CAMK1D: variants seen among roughly 807,000 people sequenced by gnomAD.
The protein encoded by CAMK1D is calcium/calmodulin-dependent protein kinase type 1D.
CAMK1D carries 9 observed loss-of-function variants against 47.7 expected under a neutral mutation model. The ratio of observed to expected loss-of-function variants is 0.19; its 90% CI spans 0.11 to 0.33. The LOEUF is 0.33. Among genes scored for constraint, CAMK1D ranks in the 10% least tolerant of loss-of-function variants. The pLI is 1.00. For synonymous variants in CAMK1D, 184 were observed against 184.9 expected (o/e 0.99, Z 0.04); for missense variants, 291 against 488.7 (o/e 0.60, Z 3.81).
At chr10:12,390,736 C>G (rs1488300117) in intron 1 of CAMK1D, among the ~76,000 whole-genome samples, 1 of 151,994 alleles carries the variant, frequency 6.6e-6, no homozygotes, top group African/African-American at 2.4e-5. Context: ...TGTAAAGGAC[C>G]CAAGAGGAAA....
At chr10:12,397,832 A>G (rs1320019951) in intron 1 of CAMK1D, among the ~76,000 whole-genome samples, 1 of 152,202 alleles carries the variant, frequency 6.6e-6, no homozygotes, top group East Asian at 1.9e-4. Context: ...TCGCAGGTAA[A>G]CTGTACATTG....
At chr10:12,489,435 G>C (rs1002739538) in intron 1 of CAMK1D, among the ~76,000 whole-genome samples, 2 of 152,204 alleles carry the variant, frequency 1.3e-5, no homozygotes, top group Non-Finnish European at 2.9e-5. Flanking sequence ...GAAAAATAAA[G>C]ACTAAAAAGT....
intron 3 of CAMK1D, among the ~76,000 whole-genome samples, chr10:12,668,525 A>G (rs2132559280): frequency 6.6e-6 from 1 of 152,328 alleles, no homozygotes; most frequent in East Asian, 1.9e-4. Context: ...CAGTTTCGAT[A>G]ATGGGAAAAT....
chr10:12,594,313 G>T (rs1475036732), intron 2 of CAMK1D, among the ~76,000 whole-genome samples: 1 of 152,222 alleles, frequency 6.6e-6, no homozygotes, highest in Non-Finnish European at 1.5e-5. Context: ...CCTACCCCAA[G>T]CATCTCAAGA....
intron 3 of CAMK1D, among the ~76,000 whole-genome samples, chr10:12,689,484 T>C (rs1832788232): frequency 1.3e-5 from 2 of 152,202 alleles, no homozygotes; most frequent in Admixed American, 6.5e-5. Flanking sequence ...ATATTAAGAA[T>C]TGGTTTGAAC....
chr10:12,588,860 G>A (rs887596053), intron 2 of CAMK1D, among the ~76,000 whole-genome samples: 8 of 106,346 alleles, frequency 7.5e-5, no homozygotes, highest in African/African-American at 2.6e-4. Flanking sequence ...ACATGTATAT[G>A]TATATATGTG....
chr10:12,491,476 A>ATTT lies in CAMK1D; in HGVS notation c.93-61744_93-61742dup, dbSNP rs377302358. 1.6e-3 allele frequency among the ~76,000 whole-genome samples: 245 copies of ATTT among 152,046 alleles called. 4 individuals are homozygous for ATTT. The East Asian group carries it at 0.04, about 25-fold the overall frequency. ...TACAAAAATAAGGAAATGTATATAT[A>ATTT]TTTTTTTGTTGTGAGGGGGTGGGTG... On this transcript the variant is annotated intron_variant, in intron 1 of 10. Coordinates refer to ENST00000619168, the MANE Select transcript of CAMK1D (RefSeq NM_153498.4).
intron 2 of CAMK1D, among the ~76,000 whole-genome samples, chr10:12,584,484 G>A (rs1392695528): frequency 1.3e-5 from 2 of 152,178 alleles, no homozygotes; most frequent in African/African-American, 4.8e-5. Flanking sequence ...AAAGAGGTGG[G>A]TATCAAGGAT....
rs201168418 is a variant in CAMK1D at position 12,560,919 on chromosome 10, TC to T, written c.224+7564del. Reference sequence around the variant, plus strand: ...AGTTACCTTGATTTCTTTCTTTCTTTCTTTTTTTTTTTGAGATGGAGTCTCG... The same window carrying T: ...AGTTACCTTGATTTCTTTCTTTCTTTTTTTTTTTTTTGAGATGGAGTCTCG... On this transcript the variant is annotated intron_variant, in intron 2 of 10. Transcript: ENST00000619168. Among the ~76,000 whole-genome samples the T allele has an allele frequency of 1.0e-3, 133 of 131,968 alleles. 1 individual carries two copies. The highest frequency in any genetic ancestry group is 3.8e-3 in the East Asian group (19 of 4,994). The allele number at this position is 131,968 out of a possible 152,430, so 86.6% of individuals were successfully genotyped here. A position where few individuals can be genotyped will look rare whatever the true frequency, so the allele number is the denominator to read the frequency against.
At chr10:12,613,562 C>T (rs556711963) in intron 2 of CAMK1D, among the ~76,000 whole-genome samples, 1 of 152,204 alleles carries the variant, frequency 6.6e-6, no homozygotes, top group Non-Finnish European at 1.5e-5. Flanking sequence ...TTTGCAACCT[C>T]CACCTCCGGG....
intron 1 of CAMK1D, among the ~76,000 whole-genome samples, chr10:12,552,268 C>T (rs1422768565): frequency 6.6e-6 from 1 of 152,212 alleles, no homozygotes; most frequent in Admixed American, 6.5e-5. Flanking sequence ...TGTGTATTTT[C>T]AGGCAGGACA....
chr10:12,599,491 A>T (rs1045012852), intron 2 of CAMK1D, among the ~76,000 whole-genome samples: 4 of 152,028 alleles, frequency 2.6e-5, no homozygotes, highest in Non-Finnish European at 5.9e-5. Context: ...CAAAGGAGAA[A>T]CCCTCTGGGA....
intron 3 of CAMK1D, among the ~76,000 whole-genome samples, chr10:12,733,378 G>A (rs749187574): frequency 3.3e-5 from 5 of 152,200 alleles, no homozygotes; most frequent in Non-Finnish European, 7.4e-5. Flanking sequence ...CTGAGTTAAT[G>A]TTAGGTGGGG....
chr10:12,768,396 G>T (rs551110533), intron 4 of CAMK1D, among the ~76,000 whole-genome samples: 13 of 152,318 alleles, frequency 8.5e-5, no homozygotes, highest in African/African-American at 3.1e-4. Flanking sequence ...TCTAAAGTCT[G>T]AAACCCAAGG....
At chr10:12,595,210 C>T (rs1472229434) in intron 2 of CAMK1D, among the ~76,000 whole-genome samples, 1 of 151,688 alleles carries the variant, frequency 6.6e-6, no homozygotes, top group Non-Finnish European at 1.5e-5. Flanking sequence ...GGCATGGTGG[C>T]ATGTGCCTTC....
At chr10:12,710,749 C>T (rs2130751505) in intron 3 of CAMK1D, among the ~76,000 whole-genome samples, 1 of 152,222 alleles carries the variant, frequency 6.6e-6, no homozygotes, top group South Asian at 2.1e-4. Flanking sequence ...ACACTGTATT[C>T]CACTAAGAAC....
intron 1 of CAMK1D, among the ~76,000 whole-genome samples, chr10:12,458,902 G>C (rs1018823580): frequency 8.8e-6 from 1 of 114,258 alleles, no homozygotes; most frequent in Non-Finnish European, 1.7e-5. Context: ...TTTTTGAGAT[G>C]AAATCTCGCT....
intron 1 of CAMK1D, among the ~76,000 whole-genome samples, chr10:12,454,897 G>T (rs1436595910): frequency 6.6e-6 from 1 of 152,206 alleles, no homozygotes; most frequent in Non-Finnish European, 1.5e-5. Flanking sequence ...CATTCTCATT[G>T]CCAGGTTATA....
At chr10:12,676,860 G>T (rs1267108088) in intron 3 of CAMK1D, among the ~76,000 whole-genome samples, 1 of 152,194 alleles carries the variant, frequency 6.6e-6, no homozygotes, top group Non-Finnish European at 1.5e-5. Context: ...TGGTTTGTGA[G>T]GGGGAGTAAA....
Sources: allele counts gnomAD v4.1 joint callset (sites outside exome capture counted in the v4.1 genomes callset), GRCh38; gene constraint gnomAD v4.1.1; transcripts MANE v1.5; gene names NCBI Gene and HGNC (gene_info 2026-07-23, HGNC 2026-07-21).